PDHX: variants seen among roughly 807,000 people sequenced by gnomAD.
PDHX encodes the protein pyruvate dehydrogenase complex component X, also known as pyruvate dehydrogenase protein X component, mitochondrial.
PDHX carries 33 observed loss-of-function variants against 55.3 expected under a neutral mutation model. The ratio of observed to expected loss-of-function variants is 0.60; its 90% CI spans 0.45 to 0.80. The LOEUF (loss-of-function observed/expected upper bound fraction) is 0.80, where lower values mean the gene tolerates loss of function less well. Among genes scored for constraint, PDHX ranks in the 30% least tolerant of loss-of-function variants. PDHX has a pLI of 0.00. For missense variants in PDHX, 622 were observed against 619.9 expected (o/e 1.00, Z -0.04); for synonymous variants, 226 against 219.4 (o/e 1.03, Z -0.27).
chr11:34,974,747 A>G (rs1855330332), intron 7 of PDHX, among the ~76,000 whole-genome samples: 1 of 152,130 alleles, frequency 6.6e-6, no homozygotes, highest in Admixed American at 6.5e-5. Flanking sequence ...ATCTCTACAA[A>G]AAAATTGAAA....
chr11:34,935,178 T>C (rs1021321699), intron 2 of PDHX, among the ~76,000 whole-genome samples: 5 of 151,772 alleles, frequency 3.3e-5, no homozygotes, highest in Non-Finnish European at 5.9e-5. Flanking sequence ...ATATATAAAT[T>C]TTTTTAATAT....
rs370520860 is a variant in PDHX at position 34,965,813 on chromosome 11, T to G, written c.642-827T>G. ...TTTTTCCTTAGATTTTGTGTCATCC[T>G]GAAGTTCTTTTTAGATTATATAAAA... On this transcript the variant is annotated intron_variant, in intron 5 of 10. Transcript: ENST00000227868. 4.6e-4 allele frequency among the ~76,000 whole-genome samples: 70 copies of G among 152,322 alleles called. 1 individual carries two copies. The highest frequency in any genetic ancestry group is 1.6e-3 in the African/African-American group (66 of 41,580).
At chr11:34,921,490 ATTCT>A (rs1232335545) in intron 1 of PDHX, among the ~76,000 whole-genome samples, 1 of 152,214 alleles carries the variant, frequency 6.6e-6, no homozygotes, top group Non-Finnish European at 1.5e-5. Context: ...TGCAAGGCTG[ATTCT>A]TTCGAAGGCT....
intron 2 of PDHX, among the ~76,000 whole-genome samples, chr11:34,943,692 C>T (rs946894667): frequency 1.3e-5 from 2 of 152,182 alleles, no homozygotes; most frequent in African/African-American, 4.8e-5. Flanking sequence ...TCACTTCTCT[C>T]GCATACTATT....
intron 5 of PDHX, among the ~76,000 whole-genome samples, chr11:34,961,679 T>C (rs985240124): frequency 2.6e-5 from 4 of 152,212 alleles, no homozygotes; most frequent in Admixed American, 6.5e-5. Context: ...AAGCAGTATA[T>C]AGATTTAATT....
At chr11:34,920,034 G>A (rs1398600005) in intron 1 of PDHX, among the ~76,000 whole-genome samples, 2 of 152,192 alleles carry the variant, frequency 1.3e-5, no homozygotes. Context: ...AAATGATCAG[G>A]AAATAATATA....
At chr11:34,954,400 C>T (rs1854857188) in intron 3 of PDHX, among the ~76,000 whole-genome samples, 1 of 152,268 alleles carries the variant, frequency 6.6e-6, no homozygotes, top group Middle Eastern at 3.4e-3. Context: ...CTGTTTGTAG[C>T]ACATTTGCAG....
At chr11:34,970,521 G>GA (rs1342392232) in intron 7 of PDHX, among the ~76,000 whole-genome samples, 1 of 152,090 alleles carries the variant, frequency 6.6e-6, no homozygotes, top group East Asian at 1.9e-4. Flanking sequence ...CCTTTATGCA[G>GA]AAAAAAGCAT....
chr11:34,963,146 T>G (rs559012433), intron 5 of PDHX, among the ~76,000 whole-genome samples: 10 of 152,336 alleles, frequency 6.6e-5, no homozygotes, highest in African/African-American at 2.4e-4. Context: ...CATTTTAAGT[T>G]TATCATTAAG....
Position 34,984,532 on chromosome 11 carries a change from C to T in PDHX, c.1024-38C>T, listed in dbSNP as rs111818080. 796 of 1,596,888 alleles carry T rather than the reference C, an allele frequency of 5.0e-4. 9 individuals are homozygous for T. The African/African-American group carries it at 9.2e-3, about 18-fold the overall frequency. The stretch of plus-strand genomic sequence containing the variant: ...TTTCTGTAACCGCCTTGGTCTAAAG[C>T]TGCTTTTTTAGTAACATTTTTCTTT... On this transcript the variant is annotated intron_variant, in intron 8 of 10. Transcript: ENST00000227868.
chr11:34,984,201 T>C (rs1471275268), intron 8 of PDHX, among the ~76,000 whole-genome samples: 1 of 152,216 alleles, frequency 6.6e-6, no homozygotes, highest in East Asian at 1.9e-4. Flanking sequence ...ATTACCTGTT[T>C]CCACTCTCCT....
At chr11:34,993,029 A>G (rs992120316) in intron 10 of PDHX, among the ~76,000 whole-genome samples, 12 of 152,120 alleles carry the variant, frequency 7.9e-5, no homozygotes, top group African/African-American at 2.9e-4. Flanking sequence ...AATTTTAACA[A>G]TTCTTGGGGT....
intron 10 of PDHX, among the ~76,000 whole-genome samples, chr11:34,993,097 CATCAGCCGTTTGGGT>C (rs1364558939): frequency 3.3e-5 from 5 of 152,142 alleles, no homozygotes; most frequent in Non-Finnish European, 5.9e-5. Flanking sequence ...ACTTTTCACT[CATCAGCCGTTTGGGT>C]ATCTGGTAAT....
chr11:34,957,627 T>TA (rs1565160015), intron 4 of PDHX, 44 bp downstream of exon 4: 2 of 1,430,538 alleles, frequency 1.4e-6, no homozygotes, highest in Admixed American at 3.4e-5. Flanking sequence ...AAAAAAAAGT[T>TA]ATGGCAGTTC....
chr11:34,916,412 G>A (rs1853699978), upstream of PDHX: 1 of 1,505,180 alleles, frequency 6.6e-7, no homozygotes, highest in Non-Finnish European at 8.9e-7. Flanking sequence ...GGGGCGGGGC[G>A]AACGGGGCGG....
Position 34,966,823 on chromosome 11 carries a change from C to G in PDHX, c.816+9C>G, listed in dbSNP as rs1335485398. On this transcript the variant is annotated intron_variant, in intron 6 of 10. Coordinates refer to ENST00000227868, the MANE Select transcript of PDHX (RefSeq NM_003477.3). The stretch of plus-strand genomic sequence containing the variant: ...GACAACCCAATGCAGTGGTAGTGTT[C>G]TCTAAGTGGATTTTTATTTCTTTTT... 3 of 1,606,458 alleles carry G rather than the reference C, an allele frequency of 1.9e-6. No homozygotes were observed. The African/African-American group carries it at 4.0e-5, about 22-fold the overall frequency.
chr11:34,972,348 C>G (rs1247767798), intron 7 of PDHX, among the ~76,000 whole-genome samples: 3 of 150,664 alleles, frequency 2.0e-5, no homozygotes, highest in African/African-American at 7.3e-5. Flanking sequence ...ATATAGTACT[C>G]TTGAATTATC....
chr11:34,982,272 T>C (rs930203932), intron 8 of PDHX, among the ~76,000 whole-genome samples: 2 of 152,202 alleles, frequency 1.3e-5, no homozygotes, highest in African/African-American at 4.8e-5. Flanking sequence ...GTTTCCCCAT[T>C]TCTTGTTTTT....
intron 1 of PDHX, among the ~76,000 whole-genome samples, chr11:34,923,436 G>T (rs772946374): frequency 2.0e-5 from 3 of 152,128 alleles, no homozygotes; most frequent in Non-Finnish European, 4.4e-5. Flanking sequence ...TCAGGAAAGT[G>T]CATACATACA....
Sources: gnomAD v4.1 joint callset for allele counts (sites outside exome capture counted in the v4.1 genomes callset) on GRCh38, gnomAD v4.1.1 for gene constraint, MANE v1.5 for transcripts, NCBI Gene and HGNC (gene_info 2026-07-23, HGNC 2026-07-21) for gene names.